MYO9A: variants seen among roughly 807,000 people sequenced by gnomAD.
MYO9A encodes the protein myosin IXA.
Under a neutral mutation model 293.3 loss-of-function variants are expected in MYO9A, and 103 were observed. The ratio of observed to expected loss-of-function variants is 0.35; its 90% CI spans 0.30 to 0.41. The LOEUF is 0.41. MYO9A is among the 10% of genes least tolerant of loss of function. The pLI is 1.00. For missense variants in MYO9A, 2,685 were observed against 3,033.0 expected (o/e 0.89, Z 2.69); for synonymous variants, 1,001 against 1,035.7 (o/e 0.97, Z 0.64).
At chr15:72,058,505 G>GA (rs2078785527) in intron 1 of MYO9A, among the ~76,000 whole-genome samples, 1 of 151,896 alleles carries the variant, frequency 6.6e-6, no homozygotes, top group Admixed American at 6.6e-5. Flanking sequence ...AGTCAGCAGA[G>GA]AAAAAACGAT....
Position 71,902,973 on chromosome 15 carries a change from T to G in MYO9A, c.2968A>C (p.Asn990His). 6.3e-7 allele frequency: 1 copy of G among 1,585,988 alleles called. No individual in the cohort carries two copies. The highest frequency in any genetic ancestry group is 8.6e-7 in the Non-Finnish European group (1 of 1,156,732). Residue 990 changes from asparagine (N) to histidine (H), a missense_variant, in exon 22 of 42, where the codon AAT becomes CAT. This residue lies in a region of MYO9A where 1,434 missense variants were observed against 1,497.7 expected (regional missense o/e 0.96). Transcript: ENST00000356056. ...IQDFFRKINL[N>H]PDNYQVGKTM... Reference sequence around the variant, plus strand: ...TTTCCAACTTGATAATTATCTGGATTAAGATTTATTTTCCTGAAGAAATCC... The same window carrying G: ...TTTCCAACTTGATAATTATCTGGATGAAGATTTATTTTCCTGAAGAAATCC...
rs28504990 is a variant in MYO9A at position 71,863,899 on chromosome 15, T to C, written c.5980-1288A>G. Among the ~76,000 whole-genome samples, 857 of 152,274 alleles carry C rather than the reference T, an allele frequency of 5.6e-3. 11 individuals are homozygous for C. The highest frequency in any genetic ancestry group is 0.019 in the African/African-American group (809 of 41,538). On this transcript the variant is annotated intron_variant, in intron 32 of 41. Coordinates refer to ENST00000356056, the MANE Select transcript of MYO9A (RefSeq NM_006901.4). ...TAATACGGCACCAAAACTTTACATA[T>C]GGTAACTTAAAAGTTAAGTAAAATA...
chr15:71,902,670 T>A (rs960596084), intron 22 of MYO9A, among the ~76,000 whole-genome samples: 1 of 152,162 alleles, frequency 6.6e-6, no homozygotes, highest in Admixed American at 6.5e-5. Context: ...AATCTGGATA[T>A]GGTCACCTTG....
intron 7 of MYO9A, among the ~76,000 whole-genome samples, chr15:72,009,173 C>T (rs995724629): frequency 3.9e-5 from 6 of 152,080 alleles, no homozygotes; most frequent in Non-Finnish European, 8.8e-5. Flanking sequence ...AAAACAAATT[C>T]ATGAGCCTCT....
intron 15 of MYO9A, among the ~76,000 whole-genome samples, chr15:71,944,061 G>A (rs1025086189): frequency 2.6e-5 from 4 of 151,992 alleles, no homozygotes; most frequent in African/African-American, 4.8e-5. Context: ...CACTATAGAC[G>A]TATTAGTGAC....
intron 6 of MYO9A, among the ~76,000 whole-genome samples, chr15:72,016,871 T>G (rs558675270): frequency 3.3e-5 from 5 of 152,264 alleles, no homozygotes; most frequent in Non-Finnish European, 5.9e-5. Context: ...CTAAGGATTA[T>G]GTACTCTATC....
chr15:72,110,926 G>A (rs190883257), intron 1 of MYO9A, among the ~76,000 whole-genome samples: 6 of 151,864 alleles, frequency 4.0e-5, no homozygotes, highest in East Asian at 2.0e-4. Context: ...TTGGGAGGCC[G>A]AAGCGGGCGG....
chr15:71,953,105 A>G (rs1006655975), intron 14 of MYO9A, among the ~76,000 whole-genome samples: 1 of 152,242 alleles, frequency 6.6e-6, no homozygotes, highest in Non-Finnish European at 1.5e-5. Context: ...ATAAAATACT[A>G]TATTATTTGT....
chr15:72,038,230 AG>A (rs1481587298), intron 2 of MYO9A, among the ~76,000 whole-genome samples: 1 of 152,174 alleles, frequency 6.6e-6, no homozygotes, highest in Non-Finnish European at 1.5e-5. Context: ...GCCAAAATAC[AG>A]AACTCTTAAA....
At chr15:71,992,842 T>C (rs2076579319) in intron 10 of MYO9A, among the ~76,000 whole-genome samples, 1 of 151,596 alleles carries the variant, frequency 6.6e-6, no homozygotes, top group Non-Finnish European at 1.5e-5. Flanking sequence ...TTTATAATCT[T>C]GGGCTAGAAG....
chr15:71,870,826 A>AC (rs1238246842), intron 32 of MYO9A, among the ~76,000 whole-genome samples: 3 of 152,160 alleles, frequency 2.0e-5, no homozygotes, highest in African/African-American at 4.8e-5. Context: ...GTTTTTTGGA[A>AC]CTTTGTGGAA....
intron 38 of MYO9A, among the ~76,000 whole-genome samples, chr15:71,849,613 G>C (rs573114581): frequency 1.3e-5 from 2 of 150,912 alleles, no homozygotes; most frequent in African/African-American, 2.4e-5. Context: ...AGATTGAGGA[G>C]AGCAAAAGAA....
chr15:71,923,876 T>C (rs965598256), intron 18 of MYO9A, among the ~76,000 whole-genome samples: 1 of 152,180 alleles, frequency 6.6e-6, no homozygotes, highest in East Asian at 1.9e-4. Flanking sequence ...TCTCTTCTTC[T>C]ATTAACTTAA....
chr15:72,080,364 A>T (rs2079505906), intron 1 of MYO9A, among the ~76,000 whole-genome samples: 1 of 150,816 alleles, frequency 6.6e-6, no homozygotes, highest in African/African-American at 2.4e-5. Context: ...GATAAGGACA[A>T]ATATGGCCAT....
intron 1 of MYO9A, among the ~76,000 whole-genome samples, chr15:72,080,936 ACAC>A (rs1379188019): frequency 3.3e-5 from 5 of 152,104 alleles, no homozygotes; most frequent in Admixed American, 2.6e-4. Context: ...GTGTATATAT[ACAC>A]CACATTTTCT....
In MYO9A at chr15:72,032,260, C is replaced by A. The variant is rs1001053468; in HGVS notation, c.935+234G>T. Among the ~76,000 whole-genome samples, 5 of 152,060 alleles carry A rather than the reference C, an allele frequency of 3.3e-5. No homozygotes were observed. The East Asian group carries it at 7.7e-4, about 23-fold the overall frequency. ...AAATGTATGCATAATATATAGAAAG[C>A]AAATGCAACACATTGACAACAATCA... On this transcript the variant is annotated intron_variant, in intron 3 of 41. Transcript: ENST00000356056.
At chr15:71,913,657 T>C (rs1427228002) in intron 19 of MYO9A, among the ~76,000 whole-genome samples, 1 of 152,214 alleles carries the variant, frequency 6.6e-6, no homozygotes, top group East Asian at 1.9e-4. Flanking sequence ...TCTCATCGGA[T>C]GTTAGACACT....
At chr15:72,007,291 A>C (rs2077043499) in intron 8 of MYO9A, among the ~76,000 whole-genome samples, 1 of 152,140 alleles carries the variant, frequency 6.6e-6, no homozygotes, top group African/African-American at 2.4e-5. Flanking sequence ...AAACATGATA[A>C]ATCATCACTC....
At chr15:71,830,396 C>T in intron 39 of MYO9A, 85 bp from the exon 40 acceptor site, 3 of 1,257,470 alleles carry the variant, frequency 2.4e-6, no homozygotes, top group Non-Finnish European at 3.4e-6. Flanking sequence ...AGTGTATTTC[C>T]ATCACACCAG....
Sources: gnomAD v4.1 joint callset for allele counts (sites outside exome capture counted in the v4.1 genomes callset) on GRCh38, gnomAD v4.1.1 for gene constraint, gnomAD v4.1.1 regional missense constraint, MANE v1.5 for transcripts, NCBI Gene and HGNC (gene_info 2026-07-23, HGNC 2026-07-21) for gene names.